PGLYRP4: variants seen among roughly 807,000 people sequenced by gnomAD.
PGLYRP4 encodes the protein peptidoglycan recognition protein 4.
Under a neutral mutation model 41.2 loss-of-function variants are expected in PGLYRP4, and 39 were observed. The ratio of observed to expected loss-of-function variants is 0.95; its 90% confidence interval spans 0.73 to 1.24. PGLYRP4 has a LOEUF of 1.24. Among genes scored for constraint, PGLYRP4 ranks in the 50% most tolerant of loss-of-function variants. PGLYRP4 has a pLI of 0.00. For synonymous variants in PGLYRP4, 202 were observed against 186.8 expected (o/e 1.08, Z -0.66); for missense variants, 467 against 460.7 (o/e 1.01, Z -0.13).
chr1:153,347,538 T>C (rs1307894844), intron 2 of PGLYRP4, among the ~76,000 whole-genome samples: 1 of 151,738 alleles, frequency 6.6e-6, no homozygotes, highest in Admixed American at 6.6e-5. Context: ...CACACCCAGC[T>C]AATTTTTGTA....
intron 2 of PGLYRP4, among the ~76,000 whole-genome samples, chr1:153,346,509 A>G (rs1316052830): frequency 6.6e-6 from 1 of 151,808 alleles, no homozygotes; most frequent in African/African-American, 2.4e-5. Context: ...GTATTCAGAC[A>G]CTTCAAAACC....
chr1:153,348,062 G>T (rs918588416), intron 1 of PGLYRP4, 84 bp from the exon 2 acceptor site: 11 of 728,480 alleles, frequency 1.5e-5, no homozygotes, highest in Middle Eastern at 4.7e-4. Context: ...GGTGCCATCT[G>T]CCTCCTCTAC....
chr1:153,347,536 G>C (rs1051389176), intron 2 of PGLYRP4, among the ~76,000 whole-genome samples: 2 of 150,744 alleles, frequency 1.3e-5, no homozygotes, highest in Non-Finnish European at 2.9e-5. Context: ...ACCACACCCA[G>C]CTAATTTTTG....
rs1252099510 is a variant in PGLYRP4, at chr1:153,337,213, G to A, written c.911C>T (p.Ala304Val). 20 of 1,613,584 alleles carry A rather than the reference G, an allele frequency of 1.2e-5. No homozygotes were observed. Among genetic ancestry groups the A allele is most frequent in the Non-Finnish European group, 1.6e-5 (19 of 1,179,632 alleles). The change falls in exon 8 of 9, where the codon GCC becomes GTC. Residue 304 changes from alanine (A) to valine (V), a missense_variant. Coordinates refer to ENST00000359650, the MANE Select transcript of PGLYRP4 (RefSeq NM_020393.4). Reference sequence around the variant, plus strand: ...GGTGCCCATGAAGGTAATGCCCAGGGCAATGTCATCGTAGCCAGGGGTGGA... The same window carrying A: ...GGTGCCCATGAAGGTAATGCCCAGGACAATGTCATCGTAGCCAGGGGTGGA... The part of the protein sequence containing the change: ...GSSTPGYDDI[A>V]LGITFMGTFT...
intron 8 of PGLYRP4, among the ~76,000 whole-genome samples, chr1:153,334,742 C>T (rs1216590498): frequency 1.3e-5 from 2 of 151,956 alleles, no homozygotes; most frequent in African/African-American, 4.8e-5. Context: ...ACCCAAATAG[C>T]CAAAGCAATT....
intron 7 of PGLYRP4, among the ~76,000 whole-genome samples, chr1:153,339,366 G>A (rs1293535826): frequency 3.9e-5 from 6 of 152,202 alleles, no homozygotes; most frequent in Non-Finnish European, 7.3e-5. Flanking sequence ...CTTGAAAAGG[G>A]TGCTACTAAA....
At position 153,344,284 on chromosome 1, in the gene PGLYRP4, G is replaced by A. The variant is rs1407440065; in HGVS notation, c.353+885C>T. Reference sequence around the variant, plus strand: ...CTTTAATTCTTACAGGATCCCAGAAGCCAGGGTGAGGAGAGTGAGACAGAA... The same window carrying A: ...CTTTAATTCTTACAGGATCCCAGAAACCAGGGTGAGGAGAGTGAGACAGAA... On this transcript the variant is annotated intron_variant, in intron 4 of 8. Transcript: ENST00000359650. 2.0e-5 allele frequency among the ~76,000 whole-genome samples: 3 copies of A among 152,182 alleles called. No individual in the cohort carries two copies. In the East Asian group the frequency reaches 5.8e-4, roughly 29 times the overall value.
chr1:153,338,760 AAT>A (rs1211833105), intron 7 of PGLYRP4, among the ~76,000 whole-genome samples: 18 of 152,146 alleles, frequency 1.2e-4, no homozygotes, highest in African/African-American at 4.3e-4. Context: ...GGCCTCAGCT[AAT>A]CTGATGTTCC....
intron 8 of PGLYRP4, among the ~76,000 whole-genome samples, chr1:153,332,936 G>C (rs555187792): frequency 7.4e-6 from 1 of 134,740 alleles, no homozygotes; most frequent in Non-Finnish European, 1.7e-5. Flanking sequence ...AGATAGAAAG[G>C]TCTCAAATTA....
intron 5 of PGLYRP4, among the ~76,000 whole-genome samples, chr1:153,342,300 T>C (rs1660833800): frequency 6.6e-6 from 1 of 152,188 alleles, no homozygotes; most frequent in African/African-American, 2.4e-5. Flanking sequence ...CACAGAGTCC[T>C]CTGGAGTGCT....
chr1:153,347,960 G>C lies in PGLYRP4; in HGVS notation c.-28C>G. On this transcript the variant is annotated 5_prime_UTR_variant, in exon 2 of 9. Coordinates refer to ENST00000359650, the MANE Select transcript of PGLYRP4 (RefSeq NM_020393.4). ...CCACGTGGTCCCAGGACACCAATCT[G>C]GAGAGTGTGGATGGCAGCCTGAGAG... 6.3e-7 allele frequency: 1 copy of C among 1,594,742 alleles called. No homozygotes were observed. The highest frequency in any genetic ancestry group is 8.6e-7 in the Non-Finnish European group (1 of 1,163,024).
At chr1:153,338,983 C>T (rs1356723583) in intron 7 of PGLYRP4, among the ~76,000 whole-genome samples, 3 of 152,212 alleles carry the variant, frequency 2.0e-5, no homozygotes, top group South Asian at 2.1e-4. Flanking sequence ...CCTTGTGCCA[C>T]GCAGAGTACA....
intron 8 of PGLYRP4, among the ~76,000 whole-genome samples, chr1:153,334,468 T>TATATATATTTTTTTTATATA (rs1275488427): frequency 5.6e-5 from 8 of 142,524 alleles, no homozygotes; most frequent in African/African-American, 2.1e-4. Flanking sequence ...ATATATTTAT[T>TATATATATTTTTTTTATATA]TATATATATT....
intron 8 of PGLYRP4, among the ~76,000 whole-genome samples, chr1:153,335,765 C>T (rs1224790625): frequency 7.4e-6 from 1 of 134,946 alleles, no homozygotes; most frequent in Non-Finnish European, 1.6e-5. Flanking sequence ...CAAAAAATAA[C>T]AGATGTTGCT....
intron 5 of PGLYRP4, among the ~76,000 whole-genome samples, chr1:153,342,046 C>G (rs1660825454): frequency 6.6e-6 from 1 of 152,310 alleles, no homozygotes; most frequent in East Asian, 1.9e-4. Flanking sequence ...CAGCACCAAG[C>G]CCAGCAGCAC....
Position 153,345,251 on chromosome 1 carries a change from C to T in PGLYRP4, c.271G>A (p.Asp91Asn), listed in dbSNP as rs2101577797. 6 of 1,614,112 alleles carry T rather than the reference C, an allele frequency of 3.7e-6. No homozygotes were observed. The highest frequency in any genetic ancestry group is 1.1e-5 in the South Asian group (1 of 91,052). The change falls in exon 4 of 9, where the codon GAC (aspartate) becomes AAC (asparagine). Residue 91 changes from aspartate to asparagine, a missense_variant. Asp to Asn is a conservative substitution (Grantham distance 23). Transcript: ENST00000359650. ...IHHVPGLECH[D>N]QTVCSQRLRE... The stretch of plus-strand genomic sequence containing the variant: ...AGTCTCTGGCTGCAGACTGTCTGGT[C>T]GTGACACTCCAGTCCAGGGACATGG...
intron 7 of PGLYRP4, among the ~76,000 whole-genome samples, chr1:153,339,682 G>A (rs1660712461): frequency 6.6e-6 from 1 of 152,084 alleles, no homozygotes; most frequent in South Asian, 2.1e-4. Flanking sequence ...TGTTTGTGTA[G>A]CAGTTTTTAA....
chr1:153,344,423 C>G (rs943011594), intron 4 of PGLYRP4, among the ~76,000 whole-genome samples: 1 of 152,190 alleles, frequency 6.6e-6, no homozygotes, highest in Admixed American at 6.5e-5. Context: ...AGAACTGCCT[C>G]TCATAAGGGC....
At chr1:153,340,840 A>G (rs939944550) in intron 6 of PGLYRP4, among the ~76,000 whole-genome samples, 42 of 152,262 alleles carry the variant, frequency 2.8e-4, no homozygotes, top group African/African-American at 9.4e-4. Context: ...GTAAGCGATC[A>G]TTTATGTTAA....
Sources: allele counts gnomAD v4.1 joint callset (sites outside exome capture counted in the v4.1 genomes callset), GRCh38; gene constraint gnomAD v4.1.1; transcripts MANE v1.5; gene names NCBI Gene and HGNC (gene_info 2026-07-23, HGNC 2026-07-21).